IL1RAPL2: variants seen among roughly 807,000 people sequenced by gnomAD.
The protein encoded by IL1RAPL2 is X-linked interleukin-1 receptor accessory protein-like 2.
Under a neutral mutation model 44.1 loss-of-function variants are expected in IL1RAPL2, and 3 were observed. That is an observed-to-expected ratio of 0.07 (90% CI 0.03 to 0.18). The LOEUF is 0.18. IL1RAPL2 is among the 10% of genes least tolerant of loss of function. IL1RAPL2 has a pLI of 1.00. For synonymous variants in IL1RAPL2, 181 were observed against 178.8 expected (o/e 1.01, Z -0.10); for missense variants, 391 against 496.4 (o/e 0.79, Z 2.02).
At chrX:105,132,027 C>A (rs2147578161) in intron 2 of IL1RAPL2, among the ~76,000 whole-genome samples, 1 of 110,210 alleles carries the variant, frequency 9.1e-6, no homozygotes, top group South Asian at 3.8e-4. Flanking sequence ...TGTCCTATTC[C>A]TTTAATTCGT....
At chrX:104,904,868 G>A (rs1923937366) in intron 2 of IL1RAPL2, among the ~76,000 whole-genome samples, 1 of 110,565 alleles carries the variant, frequency 9.0e-6, no homozygotes, top group Admixed American at 9.6e-5. Context: ...GATCCCTGAG[G>A]AATCGCCACA....
rs141730464 is a variant in IL1RAPL2 at position 105,349,047 on chromosome X, G to C, written c.697+81506G>C. 1.3e-3 allele frequency among the ~76,000 whole-genome samples: 149 copies of C among 112,228 alleles called. 1 individual carries two copies. Among genetic ancestry groups the C allele is most frequent in the African/African-American group, 4.4e-3 (135 of 30,923 alleles). On this transcript the variant is annotated intron_variant, in intron 5 of 10. Transcript: ENST00000372582. The stretch of plus-strand genomic sequence containing the variant: ...TTGGACAATTGGACCAGTTTCAAGT[G>C]CTCTGGAAGACTACCAATGTTTTCA...
chrX:105,336,726 A>T (rs1189774905), intron 5 of IL1RAPL2, among the ~76,000 whole-genome samples: 1 of 112,093 alleles, frequency 8.9e-6, no homozygotes, highest in African/African-American at 3.2e-5. Context: ...CTGCTGGCAA[A>T]GTCATCATGG....
intron 3 of IL1RAPL2, among the ~76,000 whole-genome samples, chrX:105,213,047 A>C (rs2033821309): frequency 9.0e-6 from 1 of 111,236 alleles, no homozygotes; most frequent in Non-Finnish European, 1.9e-5. Flanking sequence ...AATGCTGAAA[A>C]TTCCAAAAGC....
intron 2 of IL1RAPL2, among the ~76,000 whole-genome samples, chrX:104,940,712 T>C (rs1925144083): frequency 9.1e-6 from 1 of 110,263 alleles, no homozygotes; most frequent in Admixed American, 9.7e-5. Flanking sequence ...TTTTTTTTTT[T>C]ACATTGATTT....
At chrX:104,943,553 G>A (rs1040210769) in intron 2 of IL1RAPL2, among the ~76,000 whole-genome samples, 9 of 111,222 alleles carry the variant, frequency 8.1e-5, no homozygotes, top group Admixed American at 1.9e-4. Context: ...TGCTAACCCC[G>A]TTAGGGCTTT....
At chrX:105,103,481 A>G (rs1376349865) in intron 2 of IL1RAPL2, among the ~76,000 whole-genome samples, 3 of 111,916 alleles carry the variant, frequency 2.7e-5, no homozygotes, top group Non-Finnish European at 5.6e-5. Context: ...TACATTGACT[A>G]GACTGATGAA....
chrX:105,185,563 C>A (rs115040510), intron 2 of IL1RAPL2, among the ~76,000 whole-genome samples: 2,657 of 111,312 alleles, frequency 0.024, 79 homozygotes, highest in African/African-American at 0.082. Flanking sequence ...GGAGTAGAAA[C>A]TGGCTTTCCT....
chrX:105,685,529 C>T (rs752110066), intron 6 of IL1RAPL2, among the ~76,000 whole-genome samples: 21 of 111,533 alleles, frequency 1.9e-4, no homozygotes, highest in Non-Finnish European at 3.8e-4. Context: ...ATGAACAAAA[C>T]CTCCAAGAAA....
At chrX:104,849,882 C>T (rs887855811) in intron 2 of IL1RAPL2, among the ~76,000 whole-genome samples, 1 of 111,033 alleles carries the variant, frequency 9.0e-6, no homozygotes, top group Non-Finnish European at 1.9e-5. Flanking sequence ...CCAATCTAAA[C>T]AGAATTTTTA....
intron 2 of IL1RAPL2, among the ~76,000 whole-genome samples, chrX:104,989,610 C>T (rs1418874904): frequency 2.7e-5 from 3 of 111,067 alleles, no homozygotes; most frequent in Admixed American, 9.6e-5. Context: ...TTTAAGTTTA[C>T]GAGGGAAAAA....
intron 2 of IL1RAPL2, among the ~76,000 whole-genome samples, chrX:105,020,069 G>T (rs1374162288): frequency 9.0e-6 from 1 of 110,908 alleles, no homozygotes; most frequent in Non-Finnish European, 1.9e-5. Flanking sequence ...AAACTATTGT[G>T]CTCAGGTGAT....
chrX:105,747,490 GTA>G (rs1435293613), intron 8 of IL1RAPL2, among the ~76,000 whole-genome samples: 1,893 of 62,444 alleles, frequency 0.03, 60 homozygotes, highest in South Asian at 0.11. Context: ...CTGTGTGTGT[GTA>G]TGTGTGTGTG....
chrX:104,794,047 C>T (rs1932838198), intron 2 of IL1RAPL2, among the ~76,000 whole-genome samples: 1 of 111,995 alleles, frequency 8.9e-6, no homozygotes, highest in Non-Finnish European at 1.9e-5. Flanking sequence ...TGGTAAAGTT[C>T]TACCAAGGAT....
At chrX:104,611,232 T>C (rs1486985741) in intron 1 of IL1RAPL2, among the ~76,000 whole-genome samples, 1 of 111,490 alleles carries the variant, frequency 9.0e-6, no homozygotes, top group Non-Finnish European at 1.9e-5. Flanking sequence ...GGCTGGGATG[T>C]TTAAGTCTTC....
At chrX:104,961,497 C>T (rs955684276) in intron 2 of IL1RAPL2, among the ~76,000 whole-genome samples, 16 of 111,468 alleles carry the variant, frequency 1.4e-4, no homozygotes, top group Admixed American at 2.9e-4. Flanking sequence ...TGACTTGACT[C>T]TCCTTACTAT....
chrX:104,890,034 G>A (rs2147664298), intron 2 of IL1RAPL2, among the ~76,000 whole-genome samples: 1 of 111,069 alleles, frequency 9.0e-6, no homozygotes, highest in South Asian at 3.9e-4. Context: ...CCACCTATGA[G>A]TGAGAACATG....
At chrX:104,570,948 T>C (rs1928134943) in intron 1 of IL1RAPL2, among the ~76,000 whole-genome samples, 1 of 111,195 alleles carries the variant, frequency 9.0e-6, no homozygotes, top group Non-Finnish European at 1.9e-5. Context: ...ACTTTTGTTT[T>C]TTTTTTTTAT....
chrX:105,708,286 C>A (rs1347210808), intron 6 of IL1RAPL2, among the ~76,000 whole-genome samples: 1 of 111,316 alleles, frequency 9.0e-6, no homozygotes, highest in African/African-American at 3.3e-5. Flanking sequence ...ACATATTATT[C>A]ATTTATTTTT....
Sources: allele counts gnomAD v4.1 joint callset (sites outside exome capture counted in the v4.1 genomes callset), GRCh38; gene constraint gnomAD v4.1.1; transcripts MANE v1.5; gene names NCBI Gene and HGNC (gene_info 2026-07-23, HGNC 2026-07-21).